The following NUP107 variants were observed in gnomAD, a reference collection of about 807,000 sequenced individuals.
NUP107 encodes nuclear pore complex protein Nup107.
NUP107 carries 101 observed loss-of-function variants against 141.0 expected under a neutral mutation model. That is an observed-to-expected ratio of 0.72 (90% confidence interval 0.61 to 0.84). NUP107 has a LOEUF of 0.84. Ranked by LOEUF, NUP107 falls within the 40% of genes least tolerant of loss-of-function variation. NUP107 has a pLI of 0.00. For synonymous variants in NUP107, 319 were observed against 363.9 expected, an observed-to-expected ratio of 0.88 and a Z score of 1.41; for missense variants, 941 against 1,102.7, an observed-to-expected ratio of 0.85 and a Z score of 2.08.
Position 68,745,708 on chromosome 12 carries a change from T to C in NUP107, c.*3246T>C, listed in dbSNP as rs1210970982. ...TGTTGAGCTAATAATGCTTTGTGAA[T>C]GTATGATCTAAGGAGAAACCCTTGT... On this transcript the variant is annotated 3_prime_UTR_variant, in exon 28 of 28. Coordinates refer to ENST00000229179, the MANE Select transcript of NUP107 (RefSeq NM_020401.4). The C allele has an allele frequency of 6.6e-6, 1 of 152,268 alleles. No individual in the cohort carries two copies. The highest frequency in any genetic ancestry group is 1.5e-5 in the Non-Finnish European group (1 of 68,046). The allele number at this position is 152,268 out of a possible 1,614,324, so 9.4% of individuals were successfully genotyped here.
intron 22 of NUP107, 24 bp from the exon 23 acceptor site, chr12:68,732,613 C>A: frequency 6.9e-7 from 1 of 1,444,638 alleles, no homozygotes; most frequent in Non-Finnish European, 9.5e-7. Flanking sequence ...ATTCCTTTTT[C>A]TTTTTTTCCC....
At chr12:68,705,532 TAAAAAAA>T in intron 8 of NUP107, 1 of 209,444 alleles carries the variant, frequency 4.8e-6, no homozygotes, top group South Asian at 5.5e-5. Context: ...AAGTATTCTT[TAAAAAAA>T]AAAAAAAAAA....
chr12:68,690,790 T>A (rs1270891674), intron 4 of NUP107, 44 bp downstream of exon 4: 4 of 1,595,996 alleles, frequency 2.5e-6, no homozygotes, highest in Non-Finnish European at 3.4e-6. Flanking sequence ...GGGTCGAGTG[T>A]GGTGGCTCAC....
At chr12:68,727,563 C>G (rs895922653) in intron 20 of NUP107, among the ~76,000 whole-genome samples, 174 bp downstream of exon 20, 1 of 152,124 alleles carries the variant, frequency 6.6e-6, no homozygotes. Flanking sequence ...AAACAACCCC[C>G]ACCGCCCCGC....
intron 1 of NUP107, 31 bp from the exon 2 acceptor site, chr12:68,688,931 C>T: frequency 6.6e-7 from 1 of 1,508,842 alleles, no homozygotes; most frequent in Non-Finnish European, 9.1e-7. Context: ...ATTCTCGTTT[C>T]ACTTATATAA....
chr12:68,691,683 A>C (rs1875789430), intron 4 of NUP107, among the ~76,000 whole-genome samples: 2 of 152,046 alleles, frequency 1.3e-5, no homozygotes, highest in Admixed American at 6.6e-5. Context: ...AAAATACAAA[A>C]ATTAGCCAGG....
chr12:68,733,994 G>C (rs1172197595), intron 24 of NUP107, among the ~76,000 whole-genome samples: 1 of 152,178 alleles, frequency 6.6e-6, no homozygotes, highest in Non-Finnish European at 1.5e-5. Flanking sequence ...TTCAAGGCTA[G>C]ATGCGGTGAC....
intron 17 of NUP107, among the ~76,000 whole-genome samples, chr12:68,725,473 A>T (rs75318300): frequency 6.6e-6 from 1 of 152,120 alleles, no homozygotes; most frequent in Non-Finnish European, 1.5e-5. Flanking sequence ...TACCATTGAG[A>T]GATTAAATTG....
chr12:68,725,837 G>GTTTTT (rs373666468), intron 18 of NUP107, 41 bp downstream of exon 18: 467 of 620,836 alleles, frequency 7.5e-4, no homozygotes, highest in South Asian at 1.1e-3. Context: ...TTTTGTGTGT[G>GTTTTT]TTTTTTTTTT....
chr12:68,736,975 T>C (rs1184635371), intron 26 of NUP107, among the ~76,000 whole-genome samples: 1 of 152,116 alleles, frequency 6.6e-6, no homozygotes, highest in Non-Finnish European at 1.5e-5. Context: ...GTGCCTGAGA[T>C]TACAGGCGTG....
At chr12:68,727,266 T>A in intron 19 of NUP107, 85 bp from the exon 20 acceptor site, 2 of 686,416 alleles carry the variant, frequency 2.9e-6, no homozygotes, top group Non-Finnish European at 5.1e-6. Context: ...ATTATTAAAT[T>A]ATTTAATAAT....
chr12:68,712,866 A>G (rs1173965800), intron 10 of NUP107, among the ~76,000 whole-genome samples: 1 of 151,686 alleles, frequency 6.6e-6, no homozygotes, highest in Non-Finnish European at 1.5e-5. Context: ...AAGAAGATTA[A>G]CCTTGATGGC....
rs1415078782 is a variant in NUP107, at chr12:68,719,406, G to C, written c.1149G>C (p.Leu383=). ...WRAATLEGWK[L]YHDPNVNGGT... is the part of the protein sequence containing the mutation. ...CTGCAACACTTGAAGGCTGGAAACT[G>C]TACCATGACCCTAATGTTAATGGAG... The change falls in exon 13 of 28, where the codon CTG becomes CTC. Residue 383 remains leucine, a synonymous_variant. Coordinates refer to ENST00000229179, the MANE Select transcript of NUP107 (RefSeq NM_020401.4). The C allele has an allele frequency of 3.1e-6, 5 of 1,614,076 alleles. No individual in the cohort carries two copies. The highest frequency in any genetic ancestry group is 3.4e-6 in the Non-Finnish European group (4 of 1,179,934).
intron 26 of NUP107, among the ~76,000 whole-genome samples, chr12:68,737,215 T>A (rs1046601073): frequency 5.3e-4 from 81 of 152,278 alleles, no homozygotes; most frequent in African/African-American, 1.9e-3. Flanking sequence ...CTATTCTAAT[T>A]ATTAATTAAG....
chr12:68,716,496 G>T (rs1378073689), intron 12 of NUP107, among the ~76,000 whole-genome samples: 1 of 151,936 alleles, frequency 6.6e-6, no homozygotes, highest in Non-Finnish European at 1.5e-5. Context: ...CTCCCAAAGT[G>T]CTGGGATTGC....
chr12:68,725,829 T>TTG (rs200269567), intron 18 of NUP107, 33 bp downstream of exon 18: 14,107 of 1,013,772 alleles, frequency 0.014, 133 homozygotes, highest in African/African-American at 0.047. Context: ...TTTGTGTTTT[T>TTG]TGTGTGTGTT....
chr12:68,721,354 T>C (rs1041823971), intron 15 of NUP107, among the ~76,000 whole-genome samples, 177 bp downstream of exon 15: 5 of 152,194 alleles, frequency 3.3e-5, no homozygotes, highest in Admixed American at 2.6e-4. Context: ...CTGCTTAATT[T>C]GATGTATCCC....
intron 15 of NUP107, among the ~76,000 whole-genome samples, chr12:68,721,476 T>C (rs1449361962): frequency 6.6e-6 from 1 of 152,206 alleles, no homozygotes; most frequent in South Asian, 2.1e-4. Flanking sequence ...CATAGCTGTA[T>C]GCAGAAATGT....
intron 6 of NUP107, among the ~76,000 whole-genome samples, chr12:68,698,362 A>C (rs1876171224): frequency 6.6e-6 from 1 of 152,370 alleles, no homozygotes; most frequent in Non-Finnish European, 1.5e-5. Context: ...GTGGAAATGC[A>C]AACAACTATA....
Sources: gnomAD v4.1 joint callset for allele counts (sites outside exome capture counted in the v4.1 genomes callset) on GRCh38, gnomAD v4.1.1 for gene constraint, MANE v1.5 for transcripts, NCBI Gene and HGNC (gene_info 2026-07-23, HGNC 2026-07-21) for gene names.